GRID2: variants seen among roughly 807,000 people sequenced by gnomAD.
GRID2 encodes the protein glutamate ionotropic receptor delta type subunit 2.
Under a neutral mutation model 114.8 loss-of-function variants are expected in GRID2, and 33 were observed. That is an observed-to-expected ratio of 0.29 (90% confidence interval 0.22 to 0.38). GRID2 has a LOEUF of 0.38. Ranked by LOEUF, GRID2 falls within the 10% of genes least tolerant of loss-of-function variation. The pLI is 1.00. For synonymous variants in GRID2, 505 were observed against 449.9 expected, an observed-to-expected ratio of 1.12 and a Z score of -1.55; for missense variants, 1,184 against 1,257.7, an observed-to-expected ratio of 0.94 and a Z score of 0.89.
chr4:92,593,095 A>C (rs35700808), intron 2 of GRID2, among the ~76,000 whole-genome samples: 40,898 of 151,804 alleles, frequency 0.27, 5,648 homozygotes, highest in Middle Eastern at 0.37. Context: ...ATACAATTAT[A>C]AGTGATTGCT....
chr4:92,657,330 C>T (rs1484448548), intron 2 of GRID2, among the ~76,000 whole-genome samples: 2 of 151,574 alleles, frequency 1.3e-5, no homozygotes, highest in Non-Finnish European at 3.0e-5. Flanking sequence ...TCAGCCTCTA[C>T]ACTTATATTT....
chr4:92,456,166 A>C (rs1019662489), intron 1 of GRID2, among the ~76,000 whole-genome samples: 5 of 152,112 alleles, frequency 3.3e-5, no homozygotes, highest in African/African-American at 1.2e-4. Context: ...TCCCAGAAAA[A>C]AAAAAATCCC....
intron 1 of GRID2, among the ~76,000 whole-genome samples, chr4:92,586,489 G>C (rs1010745308): frequency 2.6e-5 from 4 of 151,676 alleles, no homozygotes; most frequent in Admixed American, 2.0e-4. Flanking sequence ...TATGTATTTT[G>C]GGAATATTTA....
chr4:92,337,491 A>C (rs577130876), intron 1 of GRID2, among the ~76,000 whole-genome samples: 8 of 152,286 alleles, frequency 5.3e-5, no homozygotes, highest in African/African-American at 1.9e-4. Context: ...GTAGAAGCTA[A>C]GTGTATTAGT....
In GRID2 at chr4:93,080,259, G is replaced by T. The variant is rs575148922; in HGVS notation, c.245-4736G>T. Among the ~76,000 whole-genome samples the T allele has an allele frequency of 9.9e-5, 15 of 152,172 alleles. No homozygotes were observed. The South Asian group carries it at 1.7e-3, about 17-fold the overall frequency. On this transcript the variant is annotated intron_variant, in intron 2 of 15. Transcript: ENST00000282020. ...ATCATAAATAGTATATTTGTGATTTGTTAATAAACAGAAAAAAAGTAATTA... is the reference window on the plus strand; with the variant it reads ...ATCATAAATAGTATATTTGTGATTTTTTAATAAACAGAAAAAAAGTAATTA...
chr4:93,378,603 G>A (rs1443765254), intron 8 of GRID2, among the ~76,000 whole-genome samples: 2 of 152,026 alleles, frequency 1.3e-5, no homozygotes, highest in East Asian at 1.9e-4. Flanking sequence ...ATGGGATTCT[G>A]CTATTGATAT....
chr4:92,397,939 A>C (rs1395681382), intron 1 of GRID2, among the ~76,000 whole-genome samples: 2 of 132,590 alleles, frequency 1.5e-5, no homozygotes, highest in East Asian at 4.0e-4. Flanking sequence ...AACTAGAATC[A>C]CTTGCAAATT....
chr4:93,021,485 C>T (rs1174413510), intron 2 of GRID2, among the ~76,000 whole-genome samples: 1 of 147,168 alleles, frequency 6.8e-6, no homozygotes, highest in Non-Finnish European at 1.5e-5. Context: ...TTTTGAAATC[C>T]ATCTGCTAAA....
chr4:92,847,731 T>C (rs978426034), intron 2 of GRID2, among the ~76,000 whole-genome samples: 2 of 152,076 alleles, frequency 1.3e-5, no homozygotes, highest in African/African-American at 4.8e-5. Flanking sequence ...TCCCAAGGAA[T>C]GTTTATTTTA....
At chr4:92,314,593 A>G (rs1021355812) in intron 1 of GRID2, among the ~76,000 whole-genome samples, 8 of 152,200 alleles carry the variant, frequency 5.3e-5, no homozygotes, top group African/African-American at 1.9e-4. Context: ...CACTGACATC[A>G]TAACACAAAT....
chr4:93,799,441 T>G (rs899969344), intron 1 of GRID2, among the ~76,000 whole-genome samples: 8 of 151,744 alleles, frequency 5.3e-5, no homozygotes, highest in Admixed American at 5.3e-4. Flanking sequence ...GCAGCCCCTT[T>G]TTTTTTTTTA....
intron 8 of GRID2, among the ~76,000 whole-genome samples, chr4:93,316,311 A>AG (rs1756614073): frequency 1.1e-5 from 1 of 93,702 alleles, no homozygotes. Context: ...AAAGAAAGAA[A>AG]GAAAGAAAGA....
At chr4:92,516,760 G>A (rs1724521805) in intron 1 of GRID2, among the ~76,000 whole-genome samples, 1 of 151,834 alleles carries the variant, frequency 6.6e-6, no homozygotes, top group African/African-American at 2.4e-5. Flanking sequence ...TTCCTGCAGT[G>A]TAAATTCCCA....
chr4:93,115,224 G>T (rs549002766), intron 4 of GRID2, among the ~76,000 whole-genome samples: 1 of 151,824 alleles, frequency 6.6e-6, no homozygotes, highest in South Asian at 2.1e-4. Context: ...CTTTTCAGAA[G>T]TATTTATTTT....
intron 2 of GRID2, among the ~76,000 whole-genome samples, chr4:93,068,079 T>C (rs1469326144): frequency 6.6e-6 from 1 of 152,052 alleles, no homozygotes; most frequent in Admixed American, 6.6e-5. Flanking sequence ...AATCACTGGT[T>C]ATAGACTTTA....
intron 1 of GRID2, among the ~76,000 whole-genome samples, chr4:92,577,849 T>A (rs549418572): frequency 6.6e-6 from 1 of 152,042 alleles, no homozygotes; most frequent in East Asian, 1.9e-4. Flanking sequence ...AAAAACAATA[T>A]AAAGAAAATG....
rs770371611 is a variant in GRID2 at position 93,515,396 on chromosome 4, G to A, written c.2178G>A (p.Gln726=). The A allele has an allele frequency of 3.1e-6, 5 of 1,610,348 alleles. No individual in the cohort carries two copies. The highest frequency in any genetic ancestry group is 4.2e-6 in the Non-Finnish European group (5 of 1,177,096). ...CGGAGAACAATGTTCTGGAGTCCCAGGCAGGCATTCAAAAGGTACTGTCCA... is the reference window on the plus strand; with the variant it reads ...CGGAGAACAATGTTCTGGAGTCCCAAGCAGGCATTCAAAAGGTACTGTCCA... ...NGSENNVLES[Q]AGIQKVKYGN... Residue 726 remains glutamine (Q), a synonymous_variant, in exon 13 of 16, where the codon CAG becomes CAA. Transcript: ENST00000282020.
chr4:93,221,702 A>T (rs971233481), intron 6 of GRID2, among the ~76,000 whole-genome samples: 1 of 152,206 alleles, frequency 6.6e-6, no homozygotes, highest in Non-Finnish European at 1.5e-5. Context: ...AGTGTAGCAT[A>T]GGAAAGAGTG....
chr4:92,975,156 CAAAAAAA>C (rs527770693), intron 2 of GRID2, among the ~76,000 whole-genome samples: 5 of 46,682 alleles, frequency 1.1e-4, no homozygotes, highest in East Asian at 1.2e-3. Flanking sequence ...GATTCCGCCT[CAAAAAAA>C]AAAAAAAAAA....
Sources: gnomAD v4.1 joint callset for allele counts (sites outside exome capture counted in the v4.1 genomes callset) on GRCh38, gnomAD v4.1.1 for gene constraint, MANE v1.5 for transcripts, NCBI Gene and HGNC (gene_info 2026-07-23, HGNC 2026-07-21) for gene names.